Variants in NTM observed in about 807,000 individuals in gnomAD.
NTM encodes the protein neurotrimin.
In NTM, 13 loss-of-function variants were observed where a neutral mutation model predicts 42.1. That is an observed-to-expected ratio of 0.31 (90% confidence interval 0.20 to 0.49). NTM has a LOEUF of 0.49. Among genes scored for constraint, NTM ranks in the 20% least tolerant of loss-of-function variants. NTM has a pLI of 0.99. For missense variants in NTM, 373 were observed against 452.8 expected, an observed-to-expected ratio of 0.82 and a Z score of 1.60; for synonymous variants, 187 against 179.2, an observed-to-expected ratio of 1.04 and a Z score of -0.35.
chr11:132,136,992 G>A (rs1398455861), intron 2 of NTM, among the ~76,000 whole-genome samples: 4 of 152,168 alleles, frequency 2.6e-5, no homozygotes, highest in Non-Finnish European at 4.4e-5. Flanking sequence ...CTTTTCTAGT[G>A]TGACTCCATG....
At chr11:131,691,898 T>C (rs921054484) in intron 1 of NTM, among the ~76,000 whole-genome samples, 2 of 152,180 alleles carry the variant, frequency 1.3e-5, no homozygotes, top group African/African-American at 4.8e-5. Context: ...GTAAATATCG[T>C]TAGCTTTTCT....
intron 6 of NTM, among the ~76,000 whole-genome samples, chr11:132,311,734 A>AT (rs2095286708): frequency 6.6e-6 from 1 of 152,160 alleles, no homozygotes; most frequent in Non-Finnish European, 1.5e-5. Context: ...GCGTCCTATT[A>AT]TTCCAATTCT....
At chr11:132,036,681 T>C (rs2076549642) in intron 2 of NTM, among the ~76,000 whole-genome samples, 1 of 152,212 alleles carries the variant, frequency 6.6e-6, no homozygotes, top group Non-Finnish European at 1.5e-5. Context: ...ACACTTTTAA[T>C]AGCACAAGTA....
chr11:132,261,175 A>T (rs1449227163), intron 4 of NTM, among the ~76,000 whole-genome samples: 4 of 151,982 alleles, frequency 2.6e-5, no homozygotes, highest in African/African-American at 9.7e-5. Context: ...CTTTTTATGG[A>T]GATAAGAACT....
intron 1 of NTM, among the ~76,000 whole-genome samples, chr11:131,470,737 G>C (rs1219571831): frequency 3.3e-5 from 5 of 152,146 alleles, no homozygotes; most frequent in Non-Finnish European, 1.5e-5. Flanking sequence ...AAGCAGCCCT[G>C]GTCTTCATTT....
At chr11:131,472,354 A>C (rs1952514200) in intron 1 of NTM, among the ~76,000 whole-genome samples, 1 of 152,236 alleles carries the variant, frequency 6.6e-6, no homozygotes, top group Non-Finnish European at 1.5e-5. Flanking sequence ...AGAAATGGCT[A>C]GATGTTTGAA....
At chr11:131,972,714 A>G (rs34501023) in intron 2 of NTM, among the ~76,000 whole-genome samples, 4,398 of 152,248 alleles carry the variant, frequency 0.029, 103 homozygotes, top group Non-Finnish European at 0.034. Flanking sequence ...CTTGGTTTCC[A>G]TAAGGCTCTC....
chr11:132,154,211 T>A (rs2072647127), intron 3 of NTM, among the ~76,000 whole-genome samples: 1 of 152,248 alleles, frequency 6.6e-6, no homozygotes, highest in South Asian at 2.1e-4. Context: ...CTGGTTGTCC[T>A]GCTAGAATGC....
chr11:131,497,161 A>G (rs944015037), intron 1 of NTM, among the ~76,000 whole-genome samples: 2 of 152,068 alleles, frequency 1.3e-5, no homozygotes, highest in African/African-American at 4.8e-5. Context: ...CCTAGCCCTC[A>G]AGTTTGCACC....
chr11:131,706,095 A>G (rs1311216786), intron 1 of NTM, among the ~76,000 whole-genome samples: 1 of 152,078 alleles, frequency 6.6e-6, no homozygotes, highest in African/African-American at 2.4e-5. Context: ...AGAGACTCAT[A>G]TTAGCTTTAA....
chr11:131,538,528 GTAGGATT>G, intron 1 of NTM: 1 of 152,444 alleles, frequency 6.6e-6, no homozygotes. Context: ...CCCCGCTGGG[GTAGGATT>G]TACTTCCATC....
At chr11:131,758,268 C>T (rs1018121233) in intron 1 of NTM, among the ~76,000 whole-genome samples, 3 of 152,018 alleles carry the variant, frequency 2.0e-5, no homozygotes, top group South Asian at 2.1e-4. Context: ...CCCCTCCCCC[C>T]CGCCAACCCC....
intron 1 of NTM, among the ~76,000 whole-genome samples, chr11:131,598,828 TCTTTCTTTC>T (rs2060148885): frequency 2.7e-5 from 1 of 36,460 alleles, no homozygotes; most frequent in African/African-American, 1.2e-4. Context: ...CTTTCTTTCT[TCTTTCTTTC>T]TTTCTTTCTT....
intron 2 of NTM, among the ~76,000 whole-genome samples, chr11:132,014,743 T>TG (rs1175338489): frequency 3.5e-5 from 5 of 144,050 alleles, no homozygotes; most frequent in African/African-American, 5.1e-5. Flanking sequence ...CTTGTTTTTT[T>TG]TTTTTTTTTT....
chr11:131,806,645 AG>A (rs1259911640), intron 1 of NTM, among the ~76,000 whole-genome samples: 1 of 152,162 alleles, frequency 6.6e-6, no homozygotes, highest in Non-Finnish European at 1.5e-5. Flanking sequence ...ACACACAGGA[AG>A]CTAGTGGCAG....
chr11:131,376,350 G>A (rs1941972945), intron 1 of NTM, among the ~76,000 whole-genome samples: 1 of 151,836 alleles, frequency 6.6e-6, no homozygotes, highest in Non-Finnish European at 1.5e-5. Flanking sequence ...GGTTTTTCTT[G>A]TTCTTCTTTC....
chr11:131,900,674 A>G (rs1411053687), intron 1 of NTM, among the ~76,000 whole-genome samples: 2 of 151,880 alleles, frequency 1.3e-5, no homozygotes. Context: ...AGAGAAAGAG[A>G]GAGAGAGAGA....
chr11:131,897,427 G>A (rs769881638), intron 1 of NTM, among the ~76,000 whole-genome samples: 7 of 152,190 alleles, frequency 4.6e-5, no homozygotes, highest in Non-Finnish European at 1.0e-4. Context: ...TGTTGCAGTT[G>A]GAGTTAAATG....
intron 1 of NTM, among the ~76,000 whole-genome samples, chr11:131,577,224 T>C (rs1187575973): frequency 6.6e-6 from 1 of 152,238 alleles, no homozygotes; most frequent in Non-Finnish European, 1.5e-5. Flanking sequence ...ACATACCTTG[T>C]AGCTAGAAGG....
Sources: allele counts gnomAD v4.1 joint callset (sites outside exome capture counted in the v4.1 genomes callset), GRCh38; gene constraint gnomAD v4.1.1; transcripts MANE v1.5; gene names NCBI Gene and HGNC (gene_info 2026-07-23, HGNC 2026-07-21).